Variants in MACROD2 observed in about 807,000 individuals in gnomAD.
MACROD2 encodes mono-ADP ribosylhydrolase 2, also known as ADP-ribose glycohydrolase MACROD2.
A neutral mutation model predicts 70.4 loss-of-function variants in MACROD2; 36 were observed. The ratio of observed to expected loss-of-function variants is 0.51; its 90% CI spans 0.39 to 0.68. The LOEUF is 0.68. Ranked by LOEUF, MACROD2 falls within the 30% of genes least tolerant of loss-of-function variation. The probability of loss-of-function intolerance (pLI) is 0.00; values close to 1 mark genes in which losing one functional copy is unlikely to be tolerated. For missense variants in MACROD2, 496 were observed against 538.4 expected, an observed-to-expected ratio of 0.92 and a Z score of 0.78; for synonymous variants, 172 against 178.8, an observed-to-expected ratio of 0.96 and a Z score of 0.30.
intron 5 of MACROD2, among the ~76,000 whole-genome samples, chr20:15,092,043 C>T (rs1237878857): frequency 6.6e-6 from 1 of 152,084 alleles, no homozygotes; most frequent in African/African-American, 2.4e-5. Flanking sequence ...TGTGTATGCA[C>T]AGAGTGGCTT....
chr20:15,758,634 G>T (rs149781795), intron 8 of MACROD2, among the ~76,000 whole-genome samples: 1 of 151,324 alleles, frequency 6.6e-6, no homozygotes, highest in African/African-American at 2.4e-5. Context: ...CAAACTCCTT[G>T]GCTCAAGCGA....
chr20:15,470,793 G>A (rs1026444803), intron 7 of MACROD2, among the ~76,000 whole-genome samples: 3 of 152,054 alleles, frequency 2.0e-5, no homozygotes, highest in African/African-American at 7.2e-5. Flanking sequence ...TATTTCAGCC[G>A]CCATCCCAGA....
intron 8 of MACROD2, among the ~76,000 whole-genome samples, chr20:15,563,349 C>T (rs2048270031): frequency 6.6e-6 from 1 of 152,198 alleles, no homozygotes; most frequent in Non-Finnish European, 1.5e-5. Flanking sequence ...CTGTATTTTA[C>T]ACCTGGTCCA....
chr20:14,748,490 G>A (rs1354315393), intron 5 of MACROD2, among the ~76,000 whole-genome samples: 1 of 152,034 alleles, frequency 6.6e-6, no homozygotes, highest in Non-Finnish European at 1.5e-5. Context: ...CAGAAATTTT[G>A]TATCTTAACA....
intron 15 of MACROD2, among the ~76,000 whole-genome samples, chr20:16,007,227 T>C (rs1270821525): frequency 6.6e-6 from 1 of 152,244 alleles, no homozygotes; most frequent in East Asian, 1.9e-4. Flanking sequence ...TATAAATGTT[T>C]GTTTTGCATA....
intron 4 of MACROD2, among the ~76,000 whole-genome samples, chr20:14,522,038 G>A (rs1247077962): frequency 2.0e-5 from 3 of 152,110 alleles, no homozygotes; most frequent in Non-Finnish European, 4.4e-5. Flanking sequence ...CCTTCCCGTC[G>A]AAGCCGCTGT....
intron 3 of MACROD2, among the ~76,000 whole-genome samples, chr20:14,144,932 C>T (rs1176064274): frequency 2.0e-5 from 3 of 152,174 alleles, no homozygotes; most frequent in African/African-American, 7.2e-5. Context: ...CACTCTCTAT[C>T]TCAGTTCGCA....
chr20:14,933,315 T>C (rs1044186143), intron 5 of MACROD2, among the ~76,000 whole-genome samples: 2 of 152,200 alleles, frequency 1.3e-5, no homozygotes, highest in African/African-American at 4.8e-5. Context: ...TAGCATTGGG[T>C]CTTTCAAATT....
intron 3 of MACROD2, among the ~76,000 whole-genome samples, chr20:14,273,383 C>T (rs2082216683): frequency 1.3e-5 from 2 of 150,884 alleles, no homozygotes; most frequent in Non-Finnish European, 3.0e-5. Flanking sequence ...ACAACCTGCT[C>T]CTGAATGACT....
At chr20:15,381,892 A>G (rs1490626175) in intron 6 of MACROD2, among the ~76,000 whole-genome samples, 1 of 152,196 alleles carries the variant, frequency 6.6e-6, no homozygotes, top group African/African-American at 2.4e-5. Context: ...GGATGTGTAT[A>G]AAGGAGCTAC....
At chr20:14,400,300 A>T (rs1356889832) in intron 3 of MACROD2, among the ~76,000 whole-genome samples, 1 of 152,162 alleles carries the variant, frequency 6.6e-6, no homozygotes, top group African/African-American at 2.4e-5. Context: ...AATTTTCCCC[A>T]CTACTGGGTT....
chr20:14,923,240 ACTC>A (rs2074185709), intron 5 of MACROD2, among the ~76,000 whole-genome samples: 2 of 151,924 alleles, frequency 1.3e-5, no homozygotes, highest in African/African-American at 4.8e-5. Context: ...CAGTCCTTGA[ACTC>A]CTTACCTATC....
chr20:15,812,370 A>G (rs1454519617), intron 8 of MACROD2, among the ~76,000 whole-genome samples: 2 of 152,208 alleles, frequency 1.3e-5, no homozygotes, highest in Non-Finnish European at 2.9e-5. Flanking sequence ...TTGATCCTCC[A>G]TAATAGTTAC....
intron 8 of MACROD2, among the ~76,000 whole-genome samples, chr20:15,663,865 A>G (rs1362902446): frequency 6.6e-6 from 1 of 152,204 alleles, no homozygotes; most frequent in Non-Finnish European, 1.5e-5. Context: ...TACCAACTGC[A>G]AAAACAGAAG....
At chr20:14,781,904 C>T (rs1236059417) in intron 5 of MACROD2, among the ~76,000 whole-genome samples, 3 of 151,538 alleles carry the variant, frequency 2.0e-5, no homozygotes, top group Non-Finnish European at 4.4e-5. Context: ...TTGTAGTGGG[C>T]TAAAATTTCT....
intron 8 of MACROD2, among the ~76,000 whole-genome samples, chr20:15,705,391 G>A (rs927363533): frequency 3.3e-5 from 5 of 152,016 alleles, no homozygotes; most frequent in Non-Finnish European, 5.9e-5. Context: ...TTTTAAGATA[G>A]AATAATTATA....
intron 8 of MACROD2, among the ~76,000 whole-genome samples, chr20:15,551,568 A>G (rs1282327026): frequency 6.6e-6 from 1 of 152,008 alleles, no homozygotes; most frequent in African/African-American, 2.4e-5. Flanking sequence ...TACTCACATC[A>G]TGTTGTTTCA....
intron 8 of MACROD2, among the ~76,000 whole-genome samples, chr20:15,712,229 A>G (rs1195358148): frequency 6.6e-6 from 1 of 152,230 alleles, no homozygotes; most frequent in Non-Finnish European, 1.5e-5. Context: ...TGTGGGTTGT[A>G]CTGCGTCTTT....
At chr20:15,162,274 G>A (rs574306884) in intron 5 of MACROD2, among the ~76,000 whole-genome samples, 1 of 152,186 alleles carries the variant, frequency 6.6e-6, no homozygotes, top group East Asian at 1.9e-4. Flanking sequence ...GTAAGTAAGA[G>A]CTGAGGCTCA....
Sources: gnomAD v4.1 joint callset for allele counts (sites outside exome capture counted in the v4.1 genomes callset) on GRCh38, gnomAD v4.1.1 for gene constraint, MANE v1.5 for transcripts, NCBI Gene and HGNC (gene_info 2026-07-23, HGNC 2026-07-21) for gene names.